TBC1D2B: variants seen among roughly 807,000 people sequenced by gnomAD.
The protein encoded by TBC1D2B is TBC1 domain family, member 2B.
A neutral mutation model predicts 100.8 loss-of-function variants in TBC1D2B; 64 were observed. That is an observed-to-expected ratio of 0.64 (90% confidence interval 0.52 to 0.78). The LOEUF is 0.78. Ranked by LOEUF, TBC1D2B falls within the 30% of genes least tolerant of loss-of-function variation. The pLI, the probability that TBC1D2B is intolerant of heterozygous loss-of-function variation, is 0.00. For missense variants in TBC1D2B, 1,052 were observed against 1,218.4 expected (o/e 0.86, Z 2.03); for synonymous variants, 480 against 479.7 (o/e 1.00, Z -0.01).
chr15:78,054,373 G>A (rs1268505671), intron 1 of TBC1D2B, among the ~76,000 whole-genome samples, 186 bp from the exon 2 acceptor site: 2 of 152,192 alleles, frequency 1.3e-5, no homozygotes, highest in African/African-American at 4.8e-5. Flanking sequence ...AATAGCAATT[G>A]TAACATGAAG....
chr15:78,008,794 G>A (rs1267645539), intron 10 of TBC1D2B, among the ~76,000 whole-genome samples: 1 of 152,228 alleles, frequency 6.6e-6, no homozygotes, highest in East Asian at 1.9e-4. Flanking sequence ...GCAGGGGGCT[G>A]AATGAGCCCA....
chr15:78,020,975 G>A (rs952674511), intron 6 of TBC1D2B, among the ~76,000 whole-genome samples: 5 of 152,182 alleles, frequency 3.3e-5, no homozygotes, highest in Non-Finnish European at 7.3e-5. Flanking sequence ...TGGAAGTGCT[G>A]GGGCCACAGT....
chr15:78,077,710 G>T lies in TBC1D2B; in HGVS notation c.-58C>A, dbSNP rs2073857376. ...CCTGCGCCTCCGCGCCGCGGCCGCT[G>T]CGCCCCCTACCCCCTCCGCACCGCC... On this transcript the variant is annotated 5_prime_UTR_variant, in exon 1 of 13. Transcript: ENST00000300584. 1.0e-6 allele frequency: 1 copy of T among 984,360 alleles called. No individual in the cohort carries two copies. The highest frequency in any genetic ancestry group is 1.2e-6 in the Non-Finnish European group (1 of 829,646). 61.0% of individuals were successfully genotyped at this position (984,360 alleles called of 1,614,324 possible). A position where few individuals can be genotyped will look rare whatever the true frequency, so the allele number is the denominator to read the frequency against.
intron 2 of TBC1D2B, among the ~76,000 whole-genome samples, chr15:78,052,331 C>T (rs937124093): frequency 8.5e-5 from 13 of 152,198 alleles, no homozygotes; most frequent in Non-Finnish European, 1.6e-4. Flanking sequence ...AGCATGCACC[C>T]TTCCCTCACA....
At chr15:78,052,686 A>G (rs1457744388) in intron 2 of TBC1D2B, among the ~76,000 whole-genome samples, 1 of 152,194 alleles carries the variant, frequency 6.6e-6, no homozygotes, top group Non-Finnish European at 1.5e-5. Flanking sequence ...TGCCCTCAGA[A>G]CAAAGGAACT....
At chr15:78,058,233 T>C (rs2073467023) in intron 1 of TBC1D2B, among the ~76,000 whole-genome samples, 1 of 152,236 alleles carries the variant, frequency 6.6e-6, no homozygotes, top group African/African-American at 2.4e-5. Flanking sequence ...ATATATTCCA[T>C]TTTGAGAGCC....
intron 10 of TBC1D2B, among the ~76,000 whole-genome samples, chr15:78,006,461 C>T (rs911773887): frequency 1.3e-5 from 2 of 152,182 alleles, no homozygotes; most frequent in African/African-American, 4.8e-5. Flanking sequence ...TCCTGGGATC[C>T]ACTGACATCT....
At chr15:78,009,662 T>TA (rs924309500) in intron 9 of TBC1D2B, among the ~76,000 whole-genome samples, 6 of 151,960 alleles carry the variant, frequency 3.9e-5, no homozygotes, top group African/African-American at 1.2e-4. Context: ...CCAGCCTCAT[T>TA]AAAAAAAAGT....
At chr15:78,001,874 C>T (rs1490755500) in intron 11 of TBC1D2B, 134 bp from the exon 12 acceptor site, 3 of 1,019,078 alleles carry the variant, frequency 2.9e-6, no homozygotes, top group Non-Finnish European at 2.7e-6. Context: ...TGGGGAAAGA[C>T]TATTGACCTG....
At chr15:78,053,040 C>G (rs1162055957) in intron 2 of TBC1D2B, among the ~76,000 whole-genome samples, 1 of 152,136 alleles carries the variant, frequency 6.6e-6, no homozygotes, top group Non-Finnish European at 1.5e-5. Context: ...AGAGGGTTAA[C>G]CTGCTGAAAA....
rs754802639 is a variant in TBC1D2B, at chr15:78,048,181, G to C, written c.515-3113C>G. 4.1e-4 allele frequency among the ~76,000 whole-genome samples: 62 copies of C among 152,238 alleles called. 1 individual carries two copies. Among genetic ancestry groups the C allele is most frequent in the African/African-American group, 1.5e-3 (61 of 41,460 alleles). On this transcript the variant is annotated intron_variant, in intron 2 of 12. Transcript: ENST00000300584. ...AAGGAGGGGTGGAGAAAAGGGACCA[G>C]AGACCAGGGAGGAACACGTTGGAGG... is the stretch of plus-strand genomic sequence containing the variant.
At chr15:78,001,152 C>T (rs1340160077) in intron 12 of TBC1D2B, among the ~76,000 whole-genome samples, 1 of 152,196 alleles carries the variant, frequency 6.6e-6, no homozygotes, top group Non-Finnish European at 1.5e-5. Context: ...TGAAGGACCC[C>T]CTGTCCCCAT....
intron 9 of TBC1D2B, among the ~76,000 whole-genome samples, chr15:78,011,184 G>A (rs1281608080): frequency 6.6e-6 from 1 of 152,158 alleles, no homozygotes; most frequent in Non-Finnish European, 1.5e-5. Flanking sequence ...TAGAGAGGCT[G>A]CCCTATCCTC....
At chr15:78,062,508 C>G (rs1453777233) in intron 1 of TBC1D2B, among the ~76,000 whole-genome samples, 1 of 152,152 alleles carries the variant, frequency 6.6e-6, no homozygotes, top group East Asian at 1.9e-4. Flanking sequence ...TAATAACAAT[C>G]TACATCTGCT....
chr15:78,036,043 G>A (rs760793762), intron 3 of TBC1D2B, among the ~76,000 whole-genome samples: 1 of 152,196 alleles, frequency 6.6e-6, no homozygotes, highest in African/African-American at 2.4e-5. Flanking sequence ...ATGTCTGAGC[G>A]AAGAGTGAGC....
chr15:78,011,667 T>A (rs1285427513), intron 9 of TBC1D2B, among the ~76,000 whole-genome samples: 3 of 131,456 alleles, frequency 2.3e-5, no homozygotes, highest in South Asian at 2.4e-4. Context: ...TTTTTTTTTT[T>A]AGACAGAGTC....
At position 78,003,565 on chromosome 15, in the gene TBC1D2B, C is replaced by T; in HGVS notation, c.2389-75G>A. 7 of 1,158,956 alleles carry T rather than the reference C, an allele frequency of 6.0e-6. No individual in the cohort carries two copies. In the South Asian group the frequency reaches 9.6e-5, roughly 16 times the overall value. The allele number at this position is 1,158,956 out of a possible 1,614,324, so 71.8% of individuals were successfully genotyped here. On this transcript the variant is annotated intron_variant, in intron 10 of 12. Coordinates refer to ENST00000300584, the MANE Select transcript of TBC1D2B (RefSeq NM_144572.2). ...GGTAAGCAGACGAGCAGACGCGCAA[C>T]CTGAGAGCCTGGGGGTGGAGCCCAA...
rs545469900 is a variant in TBC1D2B, at chr15:77,995,132, C to G, written c.*3028G>C. The G allele has an allele frequency of 6.6e-6, 1 of 152,278 alleles. No individual in the cohort carries two copies. The highest frequency in any genetic ancestry group is 2.1e-4 in the South Asian group (1 of 4,826). The allele number at this position is 152,278 out of a possible 1,614,324, so 9.4% of individuals were successfully genotyped here. On this transcript the variant is annotated 3_prime_UTR_variant, in exon 13 of 13. Transcript: ENST00000300584. Reference sequence around the variant, plus strand: ...CTCCAGTTGCCCAGCAGCAGTGGGACGTTCAGTGGCACACAGTGGGTCTCT... The same window carrying G: ...CTCCAGTTGCCCAGCAGCAGTGGGAGGTTCAGTGGCACACAGTGGGTCTCT...
intron 6 of TBC1D2B, among the ~76,000 whole-genome samples, chr15:78,022,449 G>A (rs1432579385): frequency 6.6e-6 from 1 of 152,176 alleles, no homozygotes; most frequent in Non-Finnish European, 1.5e-5. Flanking sequence ...TTAGGGTCAT[G>A]TATATTCAAT....
Sources: gnomAD v4.1 joint callset for allele counts (sites outside exome capture counted in the v4.1 genomes callset) on GRCh38, gnomAD v4.1.1 for gene constraint, MANE v1.5 for transcripts, NCBI Gene and HGNC (gene_info 2026-07-23, HGNC 2026-07-21) for gene names.